The following ACTR3 variants were observed in gnomAD, a reference collection of about 807,000 sequenced individuals.
ACTR3 encodes the protein actin related protein 3.
ACTR3 carries 12 observed loss-of-function variants against 56.8 expected under a neutral mutation model. The ratio of observed to expected loss-of-function variants is 0.21; its 90% CI spans 0.14 to 0.34. ACTR3 has a LOEUF of 0.34. ACTR3 is among the 10% of genes least tolerant of loss of function. The pLI is 1.00. For synonymous variants in ACTR3, 162 were observed against 167.4 expected (o/e 0.97, Z 0.25); for missense variants, 282 against 512.5 (o/e 0.55, Z 4.34).
chr2:113,898,897 C>T (rs1679053275), intron 1 of ACTR3, among the ~76,000 whole-genome samples: 1 of 152,130 alleles, frequency 6.6e-6, no homozygotes. Context: ...AATCCCATTT[C>T]AAAGATAAGT....
At chr2:113,899,346 C>T (rs1679060061) in intron 1 of ACTR3, among the ~76,000 whole-genome samples, 1 of 151,936 alleles carries the variant, frequency 6.6e-6, no homozygotes, top group Non-Finnish European at 1.5e-5. Context: ...GTATTATGTG[C>T]TCATTAATGA....
chr2:113,927,814 A>G (rs1679647939), intron 4 of ACTR3, among the ~76,000 whole-genome samples: 1 of 152,190 alleles, frequency 6.6e-6, no homozygotes, highest in Non-Finnish European at 1.5e-5. Context: ...AATACAATAT[A>G]ATCTAACTTT....
chr2:113,951,603 T>G, intron 9 of ACTR3, 32 bp downstream of exon 9: 1 of 1,581,554 alleles, frequency 6.3e-7, no homozygotes, highest in Non-Finnish European at 8.7e-7. Flanking sequence ...TTCAAGGTCT[T>G]ACTTTAAAAA....
At chr2:113,902,537 G>A (rs1209215420) in intron 1 of ACTR3, among the ~76,000 whole-genome samples, 3 of 151,618 alleles carry the variant, frequency 2.0e-5, no homozygotes, top group Non-Finnish European at 4.4e-5. Context: ...TACTGCCATA[G>A]TAAGAGCTTT....
chr2:113,928,155 C>G (rs569591637), intron 4 of ACTR3, among the ~76,000 whole-genome samples: 1 of 152,118 alleles, frequency 6.6e-6, no homozygotes, highest in Non-Finnish European at 1.5e-5. Context: ...TTTCCCACTC[C>G]TCGCATTGTA....
At chr2:113,906,017 A>G (rs35780175) in intron 1 of ACTR3, among the ~76,000 whole-genome samples, 3 of 152,222 alleles carry the variant, frequency 2.0e-5, no homozygotes, top group Non-Finnish European at 4.4e-5. Flanking sequence ...TATACCCAGA[A>G]GTGGAATTGT....
chr2:113,920,633 C>T (rs1393608128), intron 3 of ACTR3, among the ~76,000 whole-genome samples: 2 of 152,174 alleles, frequency 1.3e-5, no homozygotes, highest in Non-Finnish European at 2.9e-5. Context: ...CAAGCTCTCC[C>T]TATTCCCTTC....
chr2:113,948,430 A>G (rs1031738315), intron 8 of ACTR3, among the ~76,000 whole-genome samples: 1 of 152,164 alleles, frequency 6.6e-6, no homozygotes, highest in Non-Finnish European at 1.5e-5. Flanking sequence ...GATTATAGGA[A>G]TGAGCCACTG....
Position 113,948,479 on chromosome 2 carries a change from A to G in ACTR3, c.859-3000A>G, listed in dbSNP as rs550346930. Among the ~76,000 whole-genome samples, 6 of 152,296 alleles carry G rather than the reference A, an allele frequency of 3.9e-5. No homozygotes were observed. The South Asian group carries it at 8.3e-4, about 21-fold the overall frequency. ...GTTAGGCGTTGTCTGTCGAATTCCA[A>G]CTATGGAAGAGGAAGATTGTCTTTT... On this transcript the variant is annotated intron_variant, in intron 8 of 11. Transcript: ENST00000263238.
chr2:113,928,943 A>T (rs1233395751), intron 4 of ACTR3, among the ~76,000 whole-genome samples: 1 of 152,128 alleles, frequency 6.6e-6, no homozygotes, highest in Admixed American at 6.5e-5. Flanking sequence ...CCCATGTTTG[A>T]GTGTCAAATA....
chr2:113,944,584 T>TAAAA (rs34378884), intron 8 of ACTR3, among the ~76,000 whole-genome samples: 25 of 58,026 alleles, frequency 4.3e-4, no homozygotes, highest in Admixed American at 5.2e-4. Context: ...CCGTCTCTAC[T>TAAAA]AAAAAAAAAA....
At chr2:113,939,524 T>G (rs1488748958) in intron 6 of ACTR3, among the ~76,000 whole-genome samples, 1 of 152,234 alleles carries the variant, frequency 6.6e-6, no homozygotes, top group Non-Finnish European at 1.5e-5. Context: ...TATTTGGCAT[T>G]ATGATGGTGT....
intron 1 of ACTR3, among the ~76,000 whole-genome samples, chr2:113,908,251 G>GTTT (rs200328609): frequency 7.3e-6 from 1 of 136,674 alleles, no homozygotes; most frequent in South Asian, 2.3e-4. Flanking sequence ...GCTGTTAGCA[G>GTTT]TTTTTTTTTT....
At position 113,951,647 on chromosome 2, in the gene ACTR3, G is replaced by A. The variant is rs1680122537; in HGVS notation, c.952-73G>A. 2.7e-6 allele frequency: 4 copies of A among 1,485,898 alleles called. No homozygotes were observed. In the East Asian group the frequency reaches 7.1e-5, roughly 26 times the overall value. The allele number at this position is 1,485,898 out of a possible 1,614,324, so 92.0% of individuals were successfully genotyped here. A position where few individuals can be genotyped will look rare whatever the true frequency, so the allele number is the denominator to read the frequency against. ...CACCTCTCATAAAAAGGATATAATA[G>A]CATTTCAGTACTATATATTATATCT... On this transcript the variant is annotated intron_variant, in intron 9 of 11. Coordinates refer to ENST00000263238, the MANE Select transcript of ACTR3 (RefSeq NM_005721.5).
At chr2:113,890,478 A>C in intron 1 of ACTR3, 155 bp downstream of exon 1, 1 of 1,284,494 alleles carries the variant, frequency 7.8e-7, no homozygotes, top group Non-Finnish European at 1.0e-6. Flanking sequence ...GCCCGCAGCC[A>C]GGGCCTCGCG....
intron 3 of ACTR3, among the ~76,000 whole-genome samples, chr2:113,924,775 C>T (rs1679585568): frequency 6.6e-6 from 1 of 151,838 alleles, no homozygotes; most frequent in Non-Finnish European, 1.5e-5. Flanking sequence ...CTCTCATTCC[C>T]CTGCCAAAAA....
intron 8 of ACTR3, among the ~76,000 whole-genome samples, chr2:113,944,584 T>TAAAAA (rs34378884): frequency 1.7e-4 from 10 of 57,992 alleles, no homozygotes; most frequent in Non-Finnish European, 2.7e-4. Flanking sequence ...CCGTCTCTAC[T>TAAAAA]AAAAAAAAAA....
intron 1 of ACTR3, among the ~76,000 whole-genome samples, chr2:113,905,459 C>T (rs373522555): frequency 1.4e-3 from 210 of 147,820 alleles, no homozygotes; most frequent in Admixed American, 4.4e-3. Context: ...AACAAGACTC[C>T]GTCTCAAAAA....
Position 113,958,698 on chromosome 2 carries a change from T to C in ACTR3, c.*1243T>C, listed in dbSNP as rs1301502724. 6.6e-6 allele frequency: 1 copy of C among 152,034 alleles called. No homozygotes were observed. Among genetic ancestry groups the C allele is most frequent in the East Asian group, 1.9e-4 (1 of 5,202 alleles). 9.4% of individuals were successfully genotyped at this position (152,034 alleles called of 1,614,324 possible). ...GAGTTATTGAAATCTCTGTAATGTG[T>C]ATGGTAGAAAATTTCTTGTGACCTT... On this transcript the variant is annotated 3_prime_UTR_variant, in exon 12 of 12. Transcript: ENST00000263238.
Sources: gnomAD v4.1 joint callset for allele counts (sites outside exome capture counted in the v4.1 genomes callset) on GRCh38, gnomAD v4.1.1 for gene constraint, MANE v1.5 for transcripts, NCBI Gene and HGNC (gene_info 2026-07-23, HGNC 2026-07-21) for gene names.